EYA1: variants seen among roughly 807,000 people sequenced by gnomAD.
The protein encoded by EYA1 is EYA transcriptional coactivator and phosphatase 1.
EYA1 carries 16 observed loss-of-function variants against 82.0 expected under a neutral mutation model. The observed-to-expected ratio is 0.20, with a 90% CI of 0.13 to 0.30. The LOEUF (loss-of-function observed/expected upper bound fraction) is 0.30, where lower values mean the gene tolerates loss of function less well. EYA1 is among the 10% of genes least tolerant of loss of function. The pLI, the probability that EYA1 is intolerant of heterozygous loss-of-function variation, is 1.00. For synonymous variants in EYA1, 261 were observed against 264.4 expected (o/e 0.99, Z 0.12); for missense variants, 633 against 730.7 (o/e 0.87, Z 1.54).
chr8:71,390,292 C>A (rs1829205020), intron 2 of EYA1, among the ~76,000 whole-genome samples: 1 of 149,250 alleles, frequency 6.7e-6, no homozygotes, highest in South Asian at 2.1e-4. Flanking sequence ...TTTTTTAGAG[C>A]CAGAGTCTCA....
intron 2 of EYA1, among the ~76,000 whole-genome samples, chr8:71,412,498 C>G (rs1296689949): frequency 6.6e-6 from 1 of 151,654 alleles, no homozygotes; most frequent in Non-Finnish European, 1.5e-5. Flanking sequence ...TTTAAGTGAC[C>G]TTATCTTTTA....
chr8:71,500,606 G>A (rs1811742837), intron 2 of EYA1, among the ~76,000 whole-genome samples: 1 of 152,102 alleles, frequency 6.6e-6, no homozygotes, highest in Non-Finnish European at 1.5e-5. Flanking sequence ...TTTACTCTGG[G>A]TAAGCTGTCA....
intron 12 of EYA1, among the ~76,000 whole-genome samples, chr8:71,242,514 TTTTC>T (rs1471889716): frequency 6.6e-6 from 1 of 151,220 alleles, no homozygotes; most frequent in African/African-American, 2.5e-5. Flanking sequence ...ATAGACTGCT[TTTTC>T]TTTTTCTTTT....
Position 71,435,450 on chromosome 8 carries a change from A to G in EYA1, c.34-78939T>C, listed in dbSNP as rs186741737. On this transcript the variant is annotated intron_variant, in intron 2 of 18. Transcript: ENST00000643681. ...TTAATTTTTAAAATTATCTACTGAA[A>G]TATAAACTAAATGAAAGTGAGCTCT... Among the ~76,000 whole-genome samples the G allele has an allele frequency of 7.2e-5, 11 of 152,134 alleles. 1 individual carries two copies. The highest frequency in any genetic ancestry group is 2.6e-4 in the African/African-American group (11 of 41,554).
At chr8:71,514,581 C>T (rs1812826932) in intron 2 of EYA1, among the ~76,000 whole-genome samples, 2 of 152,150 alleles carry the variant, frequency 1.3e-5, no homozygotes, top group Non-Finnish European at 2.9e-5. Context: ...AAACGCACTT[C>T]TTATATGGCA....
intron 12 of EYA1, among the ~76,000 whole-genome samples, chr8:71,239,175 C>T (rs1812186905): frequency 6.6e-6 from 1 of 152,026 alleles, no homozygotes; most frequent in Non-Finnish European, 1.5e-5. Context: ...TTCTTTTTGG[C>T]CATTAGTTAC....
chr8:71,253,109 G>A lies in EYA1; in HGVS notation c.1051-8417C>T, dbSNP rs553906836. Among the ~76,000 whole-genome samples the A allele has an allele frequency of 4.6e-5, 7 of 152,282 alleles. No homozygotes were observed. In the South Asian group the frequency reaches 1.5e-3, roughly 32 times the overall value. ...TCCAATACTTTAGCATTTCAGGAAT[G>A]ACATAATATTTTAGAAAGGTTTTGT... On this transcript the variant is annotated intron_variant, in intron 11 of 17. Coordinates refer to ENST00000340726, the MANE Select transcript of EYA1 (RefSeq NM_000503.6).
chr8:71,244,344 T>C (rs1460515340), intron 12 of EYA1, among the ~76,000 whole-genome samples: 5 of 152,238 alleles, frequency 3.3e-5, no homozygotes, highest in African/African-American at 1.2e-4. Context: ...ATGTGGCTTC[T>C]GATAATCAAC....
chr8:71,208,427 C>A (rs1808094210), intron 17 of EYA1, among the ~76,000 whole-genome samples: 1 of 151,344 alleles, frequency 6.6e-6, no homozygotes, highest in Non-Finnish European at 1.5e-5. Flanking sequence ...GACTCTTTCT[C>A]AAATAAAACA....
At chr8:71,467,356 G>T (rs1808857398) in intron 2 of EYA1, among the ~76,000 whole-genome samples, 2 of 152,094 alleles carry the variant, frequency 1.3e-5, no homozygotes, top group South Asian at 4.1e-4. Context: ...CTAGGGCATT[G>T]TTGCAGAGTA....
intron 2 of EYA1, among the ~76,000 whole-genome samples, chr8:71,373,479 A>ACAC (rs1828197902): frequency 1.3e-5 from 2 of 152,248 alleles, no homozygotes; most frequent in South Asian, 4.1e-4. Context: ...TTGATGAAAG[A>ACAC]AATTAAGAAG....
chr8:71,294,220 G>A (rs1472209187), intron 9 of EYA1, among the ~76,000 whole-genome samples: 1 of 152,186 alleles, frequency 6.6e-6, no homozygotes, highest in Non-Finnish European at 1.5e-5. Context: ...AGCACTTTGG[G>A]AGGCCGAGGC....
chr8:71,363,353 A>C (rs779249975), upstream of EYA1, among the ~76,000 whole-genome samples: 5 of 152,156 alleles, frequency 3.3e-5, no homozygotes, highest in Non-Finnish European at 7.4e-5. Context: ...TAATGACCAA[A>C]ATTTATTACA....
chr8:71,401,519 T>G (rs1044659766), intron 2 of EYA1, among the ~76,000 whole-genome samples: 1 of 152,238 alleles, frequency 6.6e-6, no homozygotes, highest in African/African-American at 2.4e-5. Flanking sequence ...CTGAAACATA[T>G]TAGCATATGC....
intron 2 of EYA1, among the ~76,000 whole-genome samples, chr8:71,450,231 G>C (rs1055145256): frequency 4.6e-5 from 7 of 152,104 alleles, no homozygotes; most frequent in Admixed American, 3.9e-4. Flanking sequence ...GCCTACTTTT[G>C]GCCTGTCTTA....
chr8:71,277,115 A>ATTTTTTTTTTT (rs9298167), intron 9 of EYA1, among the ~76,000 whole-genome samples: 12 of 76,948 alleles, frequency 1.6e-4, no homozygotes, highest in East Asian at 7.7e-4. Context: ...GGCTTCACAC[A>ATTTTTTTTTTT]TTTTTTTTTT....
chr8:71,224,389 A>T lies in EYA1; in HGVS notation c.1141-7366T>A, dbSNP rs75235815. Among the ~76,000 whole-genome samples, 665 of 152,374 alleles carry T rather than the reference A, an allele frequency of 4.4e-3. 2 individuals carry two copies. Among genetic ancestry groups the T allele is most frequent in the Non-Finnish European group, 7.7e-3 (527 of 68,040 alleles). On this transcript the variant is annotated intron_variant, in intron 12 of 17. Coordinates refer to ENST00000340726, the MANE Select transcript of EYA1 (RefSeq NM_000503.6). Reference sequence around the variant, plus strand: ...AACTAGCTGTTTTCATTGTGTCTTTACATCAATGTGCCTATTGAGACCAGC... The same window carrying T: ...AACTAGCTGTTTTCATTGTGTCTTTTCATCAATGTGCCTATTGAGACCAGC...
chr8:71,237,610 CCA>C (rs1812002851), intron 12 of EYA1, among the ~76,000 whole-genome samples: 1 of 152,118 alleles, frequency 6.6e-6, no homozygotes, highest in Admixed American at 6.6e-5. Flanking sequence ...ACCACAAATT[CCA>C]TAAACAATCA....
chr8:71,238,674 T>G (rs577931951), intron 12 of EYA1, among the ~76,000 whole-genome samples: 2 of 152,246 alleles, frequency 1.3e-5, no homozygotes, highest in Admixed American at 6.5e-5. Context: ...TCTTCATTTT[T>G]CTGAAGGCTG....
Sources: gnomAD v4.1 joint callset for allele counts (sites outside exome capture counted in the v4.1 genomes callset) on GRCh38, gnomAD v4.1.1 for gene constraint, MANE v1.5 for transcripts, NCBI Gene and HGNC (gene_info 2026-07-23, HGNC 2026-07-21) for gene names.